The following NDST3 variants were observed in gnomAD, a reference collection of about 807,000 sequenced individuals.
NDST3 encodes bifunctional heparan sulfate N-deacetylase/N-sulfotransferase 3.
NDST3 carries 58 observed loss-of-function variants against 96.1 expected under a neutral mutation model. That is an observed-to-expected ratio of 0.60 (90% CI 0.49 to 0.75). NDST3 has a LOEUF of 0.75. Among genes scored for constraint, NDST3 ranks in the 30% least tolerant of loss-of-function variants. NDST3 has a pLI of 0.00. For missense variants in NDST3, 788 were observed against 1,034.2 expected (o/e 0.76, Z 3.27); for synonymous variants, 333 against 359.7 (o/e 0.93, Z 0.84).
chr4:118,058,300 G>A (rs2110459126), intron 2 of NDST3, among the ~76,000 whole-genome samples: 1 of 151,514 alleles, frequency 6.6e-6, no homozygotes, highest in African/African-American at 2.4e-5. Flanking sequence ...GGGAAGATTT[G>A]AATAGCAATG....
chr4:118,242,065 T>G lies in NDST3; in HGVS notation c.2315T>G (p.Leu772Arg). 1 of 1,612,386 alleles carries G rather than the reference T, an allele frequency of 6.2e-7. No individual in the cohort carries two copies. The highest frequency in any genetic ancestry group is 1.1e-5 in the South Asian group (1 of 90,780). The change falls in exon 12 of 14, where the codon CTA becomes CGA. Residue 772 changes from leucine (L) to arginine (R), a missense_variant. By Grantham distance (102) the Leu-to-Arg change is moderately radical. Coordinates refer to ENST00000296499, the MANE Select transcript of NDST3 (RefSeq NM_004784.3). ...FQLLIIDGQQ[L>R]RTDPATVMDE... ...TTGCTAATTATTGATGGGCAACAAC[T>G]AAGAACTGATCCTGCTACAGTGATG...
At chr4:118,061,848 C>T (rs1725921077) in intron 2 of NDST3, among the ~76,000 whole-genome samples, 1 of 152,148 alleles carries the variant, frequency 6.6e-6, no homozygotes, top group South Asian at 2.1e-4. Context: ...ATGAACAATT[C>T]ATGAATCAGG....
chr4:118,042,035 C>T (rs1724500781), intron 1 of NDST3, among the ~76,000 whole-genome samples: 1 of 152,204 alleles, frequency 6.6e-6, no homozygotes, highest in Non-Finnish European at 1.5e-5. Flanking sequence ...CACATTCAGA[C>T]GTGCCTGTAA....
At chr4:118,196,584 T>C (rs1560711191) in intron 6 of NDST3, among the ~76,000 whole-genome samples, 3 of 152,196 alleles carry the variant, frequency 2.0e-5, no homozygotes, top group Non-Finnish European at 2.9e-5. Flanking sequence ...GTAGGTTGTA[T>C]GCATCTAGGA....
Position 118,256,969 on chromosome 4 carries a change from T to C in NDST3, c.*1257T>C, listed in dbSNP as rs1742156910. The C allele has an allele frequency of 6.6e-6, 1 of 152,154 alleles. No individual in the cohort carries two copies. Among genetic ancestry groups the C allele is most frequent in the Admixed American group, 6.5e-5 (1 of 15,276 alleles). 9.4% of individuals were successfully genotyped at this position (152,154 alleles called of 1,614,324 possible). ...TCACTCTGGTGGAAGTAACAGATCATAGGTACAATTAAGGATTAGCTACTA... is the reference window on the plus strand; with the variant it reads ...TCACTCTGGTGGAAGTAACAGATCACAGGTACAATTAAGGATTAGCTACTA... On this transcript the variant is annotated 3_prime_UTR_variant, in exon 14 of 14. Coordinates refer to ENST00000296499, the MANE Select transcript of NDST3 (RefSeq NM_004784.3).
chr4:118,148,427 T>G (rs1228899568), intron 6 of NDST3, among the ~76,000 whole-genome samples: 2 of 152,214 alleles, frequency 1.3e-5, no homozygotes, highest in Non-Finnish European at 2.9e-5. Context: ...AACCCCTTTA[T>G]GCACGCATTT....
intron 2 of NDST3, among the ~76,000 whole-genome samples, chr4:118,075,707 TG>T (rs1280805913): frequency 6.6e-6 from 1 of 151,604 alleles, no homozygotes; most frequent in African/African-American, 2.4e-5. Context: ...TTTTGAAAAG[TG>T]TCTGTTCATG....
chr4:118,196,446 G>A (rs1350115929), intron 6 of NDST3, among the ~76,000 whole-genome samples: 1 of 152,036 alleles, frequency 6.6e-6, no homozygotes, highest in East Asian at 1.9e-4. Flanking sequence ...TAAATGTTTA[G>A]CATAATTCAG....
chr4:118,232,994 C>T lies in NDST3; in HGVS notation c.1820-18C>T. 1.9e-6 allele frequency: 3 copies of T among 1,600,748 alleles called. No individual in the cohort carries two copies. The highest frequency in any genetic ancestry group is 2.6e-6 in the Non-Finnish European group (3 of 1,172,152). ...TGTTTTCATTTAATTAATTTCTGAA[C>T]CTCTATTGTCTTTCTAGGTACCACT... On this transcript the variant is annotated intron_variant, in intron 8 of 13. Transcript: ENST00000296499.
At chr4:118,182,594 G>A (rs913566208) in intron 6 of NDST3, among the ~76,000 whole-genome samples, 4 of 152,238 alleles carry the variant, frequency 2.6e-5, no homozygotes, top group East Asian at 1.9e-4. Context: ...AAACTCCCCT[G>A]AGAATTGAAA....
intron 6 of NDST3, among the ~76,000 whole-genome samples, chr4:118,223,488 T>C (rs1350497692): frequency 6.6e-6 from 1 of 152,108 alleles, no homozygotes; most frequent in Non-Finnish European, 1.5e-5. Context: ...GCAGAGTGAA[T>C]AGAAATGCAA....
chr4:118,235,824 C>T (rs1391280592), intron 9 of NDST3, among the ~76,000 whole-genome samples: 1 of 152,166 alleles, frequency 6.6e-6, no homozygotes, highest in Non-Finnish European at 1.5e-5. Context: ...GCCAGAATTA[C>T]ATATCACCAA....
intron 5 of NDST3, among the ~76,000 whole-genome samples, 155 bp downstream of exon 5, chr4:118,138,394 A>C (rs925226966): frequency 6.6e-5 from 10 of 152,236 alleles, no homozygotes; most frequent in Non-Finnish European, 1.2e-4. Flanking sequence ...AAAATGTTTT[A>C]ATTAAAATCA....
In NDST3 at chr4:118,218,568, A is replaced by T. The variant is rs111916722; in HGVS notation, c.1540-5923A>T. ...CAAAATAATGAGAGCTATTTATGACAAACCCACAGCCAATATCATACTGAA... is the reference window on the plus strand; with the variant it reads ...CAAAATAATGAGAGCTATTTATGACTAACCCACAGCCAATATCATACTGAA... On this transcript the variant is annotated intron_variant, in intron 6 of 13. Transcript: ENST00000296499. 5.8e-3 allele frequency among the ~76,000 whole-genome samples: 884 copies of T among 152,318 alleles called. 8 individuals carry two copies. The highest frequency in any genetic ancestry group is 0.02 in the African/African-American group (837 of 41,558).
At chr4:118,184,602 T>TACACACACACACAC (rs562099266) in intron 6 of NDST3, among the ~76,000 whole-genome samples, 71 of 138,578 alleles carry the variant, frequency 5.1e-4, no homozygotes, top group Middle Eastern at 3.8e-3. Flanking sequence ...TCTCTCTCTC[T>TACACACACACACAC]ACACACACAC....
At chr4:118,043,910 G>A (rs763906034) in intron 1 of NDST3, among the ~76,000 whole-genome samples, 1 of 152,204 alleles carries the variant, frequency 6.6e-6, no homozygotes, top group East Asian at 1.9e-4. Context: ...TCAGGGACGT[G>A]CACTGGAATT....
intron 3 of NDST3, among the ~76,000 whole-genome samples, chr4:118,110,234 A>T (rs1438334403): frequency 6.6e-6 from 1 of 152,234 alleles, no homozygotes; most frequent in Non-Finnish European, 1.5e-5. Flanking sequence ...ATATTATAGA[A>T]TAAATTAACA....
At chr4:118,200,704 T>C (rs567155017) in intron 6 of NDST3, among the ~76,000 whole-genome samples, 1 of 152,342 alleles carries the variant, frequency 6.6e-6, no homozygotes, top group South Asian at 2.1e-4. Context: ...TAATTTAAAA[T>C]ACTGAAATAC....
chr4:118,053,159 A>G (rs1725182586), intron 1 of NDST3, among the ~76,000 whole-genome samples: 1 of 151,976 alleles, frequency 6.6e-6, no homozygotes, highest in Non-Finnish European at 1.5e-5. Context: ...GGAAAATGCA[A>G]CTATGAAAAT....
Sources: gnomAD v4.1 joint callset for allele counts (sites outside exome capture counted in the v4.1 genomes callset) on GRCh38, gnomAD v4.1.1 for gene constraint, MANE v1.5 for transcripts, NCBI Gene and HGNC (gene_info 2026-07-23, HGNC 2026-07-21) for gene names.